PGM3: variants seen among roughly 807,000 people sequenced by gnomAD.
PGM3 encodes the protein phosphoacetylglucosamine mutase.
Under a neutral mutation model 66.2 loss-of-function variants are expected in PGM3, and 40 were observed. The ratio of observed to expected loss-of-function variants is 0.60; its 90% CI spans 0.47 to 0.79. The LOEUF is 0.79. PGM3 is among the 30% of genes least tolerant of loss of function. The pLI, the probability that PGM3 is intolerant of heterozygous loss-of-function variation, is 0.00. For missense variants in PGM3, 537 were observed against 643.4 expected (o/e 0.83, Z 1.79); for synonymous variants, 191 against 224.2 (o/e 0.85, Z 1.32).
At chr6:83,184,724 T>C (rs192123928) in intron 4 of PGM3, among the ~76,000 whole-genome samples, 119 of 152,334 alleles carry the variant, frequency 7.8e-4, no homozygotes, top group Non-Finnish European at 1.3e-3. Flanking sequence ...CTGGTCTGTT[T>C]CCCTTTCTTA....
rs1786750640 is a variant in PGM3 at position 83,169,982 on chromosome 6, TAAAAG to T, written c.1539+318_1539+322del. The T allele has an allele frequency of 2.3e-5, 9 of 391,788 alleles. No homozygotes were observed. The East Asian group carries it at 5.6e-4, about 24-fold the overall frequency. 24.3% of individuals were successfully genotyped at this position (391,788 alleles called of 1,614,324 possible). On this transcript the variant is annotated intron_variant, in intron 12 of 12. Transcript: ENST00000513973. Reference sequence around the variant, plus strand: ...TTTTCATGTCACAAGAGTATATTTTTAAAAGAAGAGAAAAGGATCATCTACCTTAT... The same window carrying T: ...TTTTCATGTCACAAGAGTATATTTTTAAGAGAAAAGGATCATCTACCTTAT...
chr6:83,151,571 G>GT, the PGM3 span: 14,455 of 1,576,564 alleles, frequency 9.2e-3, 479 homozygotes, highest in African/African-American at 0.081. Context: ...TCCCGTTTCT[G>GT]TTTTCTCTTT....
chr6:83,164,709 C>G (rs1785039749), downstream of PGM3: 4 of 1,590,566 alleles, frequency 2.5e-6, no homozygotes, highest in Non-Finnish European at 3.4e-6. Context: ...TTGGAGATGG[C>G]CAAGCATCAG....
At chr6:83,183,300 A>G (rs971329293) in intron 4 of PGM3, among the ~76,000 whole-genome samples, 18 of 152,232 alleles carry the variant, frequency 1.2e-4, no homozygotes, top group Non-Finnish European at 2.4e-4. Flanking sequence ...TAGATAAAAG[A>G]CAAAAACCTC....
chr6:83,157,142 A>C (rs774836557), downstream of PGM3: 15 of 1,596,494 alleles, frequency 9.4e-6, no homozygotes, highest in South Asian at 1.7e-4. Flanking sequence ...TATGTGATAA[A>C]GATTATTTAG....
At chr6:83,160,075 T>G (rs1010106651), downstream of PGM3, 14 of 976,576 alleles carry the variant, frequency 1.4e-5, no homozygotes, top group East Asian at 3.0e-4. Flanking sequence ...TCCTAATTTT[T>G]ACTAAAATGT....
At chr6:83,161,419 ATAAATT>A (rs1227199771), downstream of PGM3, among the ~76,000 whole-genome samples, 1 of 152,196 alleles carries the variant, frequency 6.6e-6, no homozygotes, top group East Asian at 1.9e-4. Flanking sequence ...TTTACTGTAT[ATAAATT>A]TAAAAGTATC....
chr6:83,171,864 TATA>T, intron 11 of PGM3, 70 bp downstream of exon 11: 5 of 1,145,982 alleles, frequency 4.4e-6, no homozygotes, highest in Non-Finnish European at 6.5e-6. Context: ...GTCAGTGAGA[TATA>T]ATGAGAATTG....
chr6:83,181,375 G>A (rs931430195), intron 6 of PGM3, among the ~76,000 whole-genome samples: 1 of 152,166 alleles, frequency 6.6e-6, no homozygotes, highest in Admixed American at 6.5e-5. Flanking sequence ...TCTATCATAT[G>A]CAAATCCTAT....
chr6:83,182,891 C>A lies in PGM3; in HGVS notation c.545G>T (p.Gly182Val). Residue 182 changes from glycine to valine, a missense_variant, in exon 5 of 13, where the codon GGT becomes GTT. By Grantham distance (109) the Gly-to-Val change is moderately radical. Transcript: ENST00000513973. ...GGRYGKATIE[G>V]YYQKLSKAFV... The stretch of plus-strand genomic sequence containing the variant: ...AGCCTTAGAGAGTTTCTGGTAGTAA[C>A]CTTCTATAGTTGCCTTTCCATATCG... The A allele has an allele frequency of 1.2e-6, 2 of 1,614,012 alleles. No homozygotes were observed. Among genetic ancestry groups the A allele is most frequent in the Non-Finnish European group, 1.7e-6 (2 of 1,179,890 alleles).
At chr6:83,177,237 T>C (rs1370669835) in intron 8 of PGM3, among the ~76,000 whole-genome samples, 2 of 152,064 alleles carry the variant, frequency 1.3e-5, no homozygotes, top group Non-Finnish European at 2.9e-5. Context: ...CTAAAACTAG[T>C]ATAAATGCCA....
intron 11 of PGM3, chr6:83,170,956 TTC>T (rs1786963942): frequency 6.5e-6 from 1 of 154,660 alleles, no homozygotes; most frequent in African/African-American, 2.4e-5. Context: ...TTTATCTGAA[TTC>T]TCTCCCTCAG....
chr6:83,149,495 G>C, the PGM3 span, among the ~76,000 whole-genome samples: 1 of 152,160 alleles, frequency 6.6e-6, no homozygotes, highest in Non-Finnish European at 1.5e-5. Context: ...GTCTGATTTG[G>C]TAATAGAGCA....
chr6:83,170,218 A>C lies in PGM3; in HGVS notation c.1539+87T>G. 1.9e-5 allele frequency: 23 copies of C among 1,228,500 alleles called. No homozygotes were observed. In the South Asian group the frequency reaches 2.9e-4, roughly 16 times the overall value. The allele number at this position is 1,228,500 out of a possible 1,614,324, so 76.1% of individuals were successfully genotyped here. ...TCAACAAAATAAAGCCTTAATCATC[A>C]TAGTGAGATTCTAAAAACCATTAAA... On this transcript the variant is annotated intron_variant, in intron 12 of 12. Transcript: ENST00000513973.
downstream of PGM3, chr6:83,160,083 TG>T: frequency 1.1e-6 from 1 of 943,600 alleles, no homozygotes; most frequent in Non-Finnish European, 1.6e-6. Flanking sequence ...TTTACTAAAA[TG>T]TAATTCTTTT....
chr6:83,161,745 A>G (rs769990960), downstream of PGM3, among the ~76,000 whole-genome samples: 1 of 152,198 alleles, frequency 6.6e-6, no homozygotes, highest in African/African-American at 2.4e-5. Flanking sequence ...ATACACTGAT[A>G]TTGTCCAATT....
At position 83,179,496 on chromosome 6, in the gene PGM3, T is replaced by A. The variant is rs565623724; in HGVS notation, c.945+314A>T. ...ATATATCAGATGATGAGATTTCCTATTAGAATTTAGGGCTTTTATGGAGTG... is the reference window on the plus strand; with the variant it reads ...ATATATCAGATGATGAGATTTCCTAATAGAATTTAGGGCTTTTATGGAGTG... On this transcript the variant is annotated intron_variant, in intron 7 of 12. Transcript: ENST00000513973. Among the ~76,000 whole-genome samples, 194 of 152,234 alleles carry A rather than the reference T, an allele frequency of 1.3e-3. 1 individual carries two copies. The highest frequency in any genetic ancestry group is 2.4e-3 in the Admixed American group (37 of 15,278).
chr6:83,154,795 GAA>G, the PGM3 span, among the ~76,000 whole-genome samples: 3 of 150,934 alleles, frequency 2.0e-5, no homozygotes, highest in Non-Finnish European at 3.0e-5. Context: ...AATTTCATCT[GAA>G]AAAAAAGAGT....
intron 4 of PGM3, among the ~76,000 whole-genome samples, chr6:83,184,843 C>A (rs1184669829): frequency 6.6e-6 from 1 of 152,178 alleles, no homozygotes; most frequent in African/African-American, 2.4e-5. Flanking sequence ...CCCATTGCAT[C>A]TGGAATAGAG....
Sources: allele counts gnomAD v4.1 joint callset (sites outside exome capture counted in the v4.1 genomes callset), GRCh38; gene constraint gnomAD v4.1.1; transcripts MANE v1.5; gene names NCBI Gene and HGNC (gene_info 2026-07-23, HGNC 2026-07-21).